COL25A1: variants seen among roughly 807,000 people sequenced by gnomAD.
COL25A1 encodes collagen alpha-1(XXV) chain.
A neutral mutation model predicts 128.4 loss-of-function variants in COL25A1; 103 were observed. The observed-to-expected ratio is 0.80, with a 90% CI of 0.68 to 0.94. COL25A1 has a LOEUF of 0.94. COL25A1 is among the 40% of genes least tolerant of loss of function. The pLI is 0.00. For synonymous variants in COL25A1, 279 were observed against 277.2 expected (o/e 1.01, Z -0.06); for missense variants, 745 against 840.0 (o/e 0.89, Z 1.40).
chr4:108,882,090 G>T (rs1309793601), intron 19 of COL25A1, among the ~76,000 whole-genome samples: 2 of 152,042 alleles, frequency 1.3e-5, no homozygotes, highest in Admixed American at 6.5e-5. Flanking sequence ...AGGAATAAAA[G>T]CATTTGCTAG....
At chr4:109,199,276 T>C (rs886235771) in intron 3 of COL25A1, among the ~76,000 whole-genome samples, 8 of 152,314 alleles carry the variant, frequency 5.3e-5, no homozygotes, top group African/African-American at 1.9e-4. Context: ...ATCACCACGA[T>C]GTGTACTTCT....
At chr4:109,026,182 T>TTC (rs1553917408) in intron 5 of COL25A1, among the ~76,000 whole-genome samples, 1 of 150,858 alleles carries the variant, frequency 6.6e-6, no homozygotes, top group Non-Finnish European at 1.5e-5. Flanking sequence ...ATAATTCACC[T>TTC]GGGTTAAGAA....
At chr4:108,867,786 CT>C (rs956295114) in intron 20 of COL25A1, among the ~76,000 whole-genome samples, 5 of 152,098 alleles carry the variant, frequency 3.3e-5, no homozygotes, top group Non-Finnish European at 7.4e-5. Context: ...ATTCATGAGT[CT>C]GTCATGAGTA....
At chr4:109,003,559 A>G (rs13144528) in intron 6 of COL25A1, among the ~76,000 whole-genome samples, 120,795 of 151,936 alleles carry the variant, frequency 0.8, 49,188 homozygotes, top group East Asian at 1. Flanking sequence ...CCAGCACTTC[A>G]GGAGGCCAAG....
chr4:108,915,550 A>G (rs1268243493), intron 13 of COL25A1, among the ~76,000 whole-genome samples: 1 of 152,136 alleles, frequency 6.6e-6, no homozygotes, highest in East Asian at 1.9e-4. Context: ...CAAACATAAG[A>G]AAATAATTTT....
In COL25A1 at chr4:109,224,697, T is replaced by C. The variant is rs1286079140; in HGVS notation, c.367+75886A>G. Among the ~76,000 whole-genome samples, 4 of 152,268 alleles carry C rather than the reference T, an allele frequency of 2.6e-5. No homozygotes were observed. In the South Asian group the frequency reaches 6.2e-4, roughly 24 times the overall value. The stretch of plus-strand genomic sequence containing the variant: ...GCTCACACCTGTAATCTCAGCACTT[T>C]GGGAGTCCGAAGTGGGTGGATCAAC... On this transcript the variant is annotated intron_variant, in intron 3 of 37. Coordinates refer to ENST00000399132, the MANE Select transcript of COL25A1 (RefSeq NM_198721.4).
At chr4:109,198,874 G>A (rs933477145) in intron 3 of COL25A1, among the ~76,000 whole-genome samples, 10 of 152,210 alleles carry the variant, frequency 6.6e-5, no homozygotes, top group Middle Eastern at 6.8e-3. Flanking sequence ...TTGAAGCCAG[G>A]ATAATACAGT....
intron 8 of COL25A1, among the ~76,000 whole-genome samples, chr4:108,968,372 A>G (rs192447649): frequency 2.0e-5 from 3 of 152,292 alleles, no homozygotes; most frequent in Admixed American, 2.0e-4. Flanking sequence ...CTACTTAACA[A>G]AAGATATTCC....
At chr4:109,129,500 A>C (rs1296324575) in intron 3 of COL25A1, among the ~76,000 whole-genome samples, 1 of 152,190 alleles carries the variant, frequency 6.6e-6, no homozygotes, top group African/African-American at 2.4e-5. Context: ...CAAATCTAAC[A>C]TATATTATAA....
At chr4:109,221,847 CTAAA>C (rs895664582) in intron 3 of COL25A1, among the ~76,000 whole-genome samples, 3 of 151,644 alleles carry the variant, frequency 2.0e-5, no homozygotes, top group East Asian at 1.9e-4. Context: ...ACTTTCATGC[CTAAA>C]TAAATAAATA....
At chr4:109,176,393 G>T (rs549377889) in intron 3 of COL25A1, among the ~76,000 whole-genome samples, 1 of 152,248 alleles carries the variant, frequency 6.6e-6, no homozygotes, top group East Asian at 1.9e-4. Flanking sequence ...TGCCTCAAAA[G>T]AAAAACAAAG....
chr4:109,298,065 G>A (rs1464831106), intron 3 of COL25A1, among the ~76,000 whole-genome samples: 1 of 151,434 alleles, frequency 6.6e-6, no homozygotes, highest in East Asian at 1.9e-4. Flanking sequence ...CATGAATCCT[G>A]ACTTTGCCTT....
intron 37 of COL25A1, among the ~76,000 whole-genome samples, chr4:108,814,317 C>A (rs13151888): frequency 0.49 from 75,092 of 151,992 alleles, 19,441 homozygotes; most frequent in Middle Eastern, 0.64. Context: ...ATCTTCTGCA[C>A]GCATTACAAT....
intron 36 of COL25A1, among the ~76,000 whole-genome samples, 162 bp from the exon 37 acceptor site, chr4:108,817,597 A>C (rs1198469553): frequency 6.6e-6 from 1 of 152,214 alleles, no homozygotes; most frequent in Admixed American, 6.5e-5. Flanking sequence ...TCCCAGTGTT[A>C]GGTAAAATAA....
At chr4:109,264,738 A>C (rs1781678873) in intron 3 of COL25A1, among the ~76,000 whole-genome samples, 2 of 152,206 alleles carry the variant, frequency 1.3e-5, no homozygotes. Flanking sequence ...AAATTCCCCC[A>C]AGGTAATTTA....
At chr4:109,147,174 T>G (rs979459143) in intron 3 of COL25A1, among the ~76,000 whole-genome samples, 3 of 152,212 alleles carry the variant, frequency 2.0e-5, no homozygotes, top group African/African-American at 7.2e-5. Context: ...GTTATTCAAT[T>G]TAAAATTCCC....
chr4:109,272,072 C>CA (rs1782234683), intron 3 of COL25A1, among the ~76,000 whole-genome samples: 1 of 151,796 alleles, frequency 6.6e-6, no homozygotes, highest in South Asian at 2.1e-4. Context: ...CCCATCTCTA[C>CA]AAAAAATACA....
chr4:109,153,540 AAAG>A (rs1269060757), intron 3 of COL25A1, among the ~76,000 whole-genome samples: 3 of 152,226 alleles, frequency 2.0e-5, no homozygotes, highest in African/African-American at 7.2e-5. Context: ...TGACGCCTCC[AAAG>A]AAGAGCCACA....
At chr4:109,076,496 A>G (rs1418311196) in intron 3 of COL25A1, among the ~76,000 whole-genome samples, 1 of 152,136 alleles carries the variant, frequency 6.6e-6, no homozygotes, top group African/African-American at 2.4e-5. Context: ...TGTGATTCCT[A>G]ATAAGAATAT....
Sources: gnomAD v4.1 joint callset for allele counts (sites outside exome capture counted in the v4.1 genomes callset) on GRCh38, gnomAD v4.1.1 for gene constraint, MANE v1.5 for transcripts, NCBI Gene and HGNC (gene_info 2026-07-23, HGNC 2026-07-21) for gene names.